Variants in GCFC2 observed in about 807,000 individuals in gnomAD.
The protein encoded by GCFC2 is GC-rich sequence DNA-binding factor 2.
GCFC2 carries 102 observed loss-of-function variants against 99.4 expected under a neutral mutation model. The observed-to-expected ratio is 1.03, with a 90% CI of 0.87 to 1.21. GCFC2 has a LOEUF of 1.21. Among genes scored for constraint, GCFC2 ranks in the 50% most tolerant of loss-of-function variants. GCFC2 has a pLI of 0.00. For missense variants in GCFC2, 973 were observed against 920.9 expected (o/e 1.06, Z -0.73); for synonymous variants, 338 against 316.8 (o/e 1.07, Z -0.71).
At chr2:75,710,536 G>GCCCCTTCCCGCCCTGTGCCGTCAC (rs1681104825) in intron 1 of GCFC2, 55 bp downstream of exon 1, 1 of 1,435,534 alleles carries the variant, frequency 7.0e-7, no homozygotes, top group Non-Finnish European at 9.1e-7. Context: ...AGACCCCGCG[G>GCCCCTTCCCGCCCTGTGCCGTCAC]CCCCTTCCCG....
chr2:75,707,519 T>G (rs1042966718), intron 1 of GCFC2, among the ~76,000 whole-genome samples: 1 of 151,802 alleles, frequency 6.6e-6, no homozygotes, highest in African/African-American at 2.4e-5. Flanking sequence ...AAGACCTACA[T>G]ACAGTTCAAA....
intron 11 of GCFC2, among the ~76,000 whole-genome samples, chr2:75,681,406 T>C (rs1369967030): frequency 1.3e-5 from 2 of 149,764 alleles, no homozygotes; most frequent in Non-Finnish European, 1.5e-5. Context: ...GCCCAGATAC[T>C]GTGTTTTTCC....
intron 2 of GCFC2, among the ~76,000 whole-genome samples, chr2:75,704,424 C>T (rs1287053294): frequency 1.3e-5 from 2 of 152,212 alleles, no homozygotes; most frequent in Non-Finnish European, 2.9e-5. Context: ...GTGTTCCTCA[C>T]AGGACAAGTT....
At position 75,708,463 on chromosome 2, in the gene GCFC2, C is replaced by A. The variant is rs183107986; in HGVS notation, c.266-1812G>T. 1.5e-4 allele frequency among the ~76,000 whole-genome samples: 22 copies of A among 150,464 alleles called. No individual in the cohort carries two copies. The East Asian group carries it at 4.1e-3, about 28-fold the overall frequency. ...AACAGAGTTTTAAGGTAAGAGCACC[C>A]CAAATTTAATCATATGGTTTAAGAA... On this transcript the variant is annotated intron_variant, in intron 1 of 16. Coordinates refer to ENST00000321027, the MANE Select transcript of GCFC2 (RefSeq NM_003203.5).
At chr2:75,690,572 A>G (rs535807029) in intron 8 of GCFC2, 66 bp downstream of exon 8, 45 of 781,286 alleles carry the variant, frequency 5.8e-5, no homozygotes, top group Non-Finnish European at 9.6e-5. Context: ...GTGGTTAATT[A>G]TATTTCAGTA....
chr2:75,690,047 T>TC lies in GCFC2; in HGVS notation c.1260dup (p.Asn421GlufsTer3). 1 of 1,607,926 alleles carries TC rather than the reference T, an allele frequency of 6.2e-7. No individual in the cohort carries two copies. The highest frequency in any genetic ancestry group is 8.5e-7 in the Non-Finnish European group (1 of 1,176,450). ...GATGTTCCTTCCTGATGGTTACAATTCCCAGAAAGCACCCTTGCTTGTCTT... is the reference window on the plus strand; with the variant it reads ...GATGTTCCTTCCTGATGGTTACAATTCCCCAGAAAGCACCCTTGCTTGTCTT... On this transcript the variant is annotated frameshift_variant, in exon 9 of 17. Coordinates refer to ENST00000321027, the MANE Select transcript of GCFC2 (RefSeq NM_003203.5). LOFTEE classifies it high-confidence loss of function.
intron 11 of GCFC2, among the ~76,000 whole-genome samples, chr2:75,686,279 T>G (rs1178835468): frequency 2.0e-5 from 3 of 152,168 alleles, no homozygotes; most frequent in Non-Finnish European, 4.4e-5. Context: ...TTTAAATTTA[T>G]AAATAGAGAT....
chr2:75,665,254 CA>C (rs1678784626), intron 16 of GCFC2, among the ~76,000 whole-genome samples: 1 of 152,146 alleles, frequency 6.6e-6, no homozygotes, highest in Admixed American at 6.5e-5. Context: ...CAGGCTCAAG[CA>C]ATCTTCCCAC....
chr2:75,679,055 AG>A (rs1679460976), intron 12 of GCFC2, among the ~76,000 whole-genome samples: 2 of 150,468 alleles, frequency 1.3e-5, no homozygotes, highest in South Asian at 4.1e-4. Flanking sequence ...GACCTTACAG[AG>A]TGCCTAGTAC....
intron 1 of GCFC2, among the ~76,000 whole-genome samples, chr2:75,708,657 C>T (rs1233204671): frequency 6.6e-6 from 1 of 151,654 alleles, no homozygotes; most frequent in Non-Finnish European, 1.5e-5. Flanking sequence ...ATTACAGGCA[C>T]CCACCACCAT....
At chr2:75,705,015 C>T (rs556445655) in intron 2 of GCFC2, among the ~76,000 whole-genome samples, 68 of 152,280 alleles carry the variant, frequency 4.5e-4, no homozygotes, top group African/African-American at 1.6e-3. Flanking sequence ...TAGCCACTAG[C>T]CCTATGTGAG....
At chr2:75,706,162 T>C (rs1039175054) in intron 2 of GCFC2, among the ~76,000 whole-genome samples, 18 of 152,352 alleles carry the variant, frequency 1.2e-4, no homozygotes, top group Admixed American at 9.1e-4. Flanking sequence ...TTTAGCTTCC[T>C]GCACATATTA....
rs113135302 is a variant in GCFC2 at position 75,668,967 on chromosome 2, G to A, written c.2103+1171C>T. Among the ~76,000 whole-genome samples, 379 of 152,176 alleles carry A rather than the reference G, an allele frequency of 2.5e-3. 2 individuals carry two copies. The highest frequency in any genetic ancestry group is 0.01 in the Middle Eastern group (3 of 294). ...AATGATGGAACTGTTGTTTTCCTGT[G>A]TTTATAACACTGGAAATCGTAAGTA... On this transcript the variant is annotated intron_variant, in intron 15 of 16. Transcript: ENST00000321027.
At position 75,670,219 on chromosome 2, in the gene GCFC2, T is replaced by G; in HGVS notation, c.2022A>C (p.Leu674=). ...LTDDTLQELG[L]GKLLNRYLII... is the part of the protein sequence containing the mutation. ...TAAGGTAACGATTTAGCAGCTTCCC[T>G]AGTCCTAGTTCTTGCAAGGTGTCAT... Residue 674 remains leucine, a synonymous_variant, in exon 15 of 17, where the codon CTA becomes CTC. Transcript: ENST00000321027. 6.2e-7 allele frequency: 1 copy of G among 1,605,560 alleles called. No individual in the cohort carries two copies. Among genetic ancestry groups the G allele is most frequent in the East Asian group, 2.2e-5 (1 of 44,810 alleles).
chr2:75,687,695 G>T, intron 11 of GCFC2, 132 bp downstream of exon 11: 1 of 738,658 alleles, frequency 1.4e-6, no homozygotes, highest in Non-Finnish European at 2.2e-6. Context: ...GACAGCTGTT[G>T]ATTTTTACTA....
chr2:75,709,537 T>C (rs1333510892), intron 1 of GCFC2, among the ~76,000 whole-genome samples: 2 of 151,968 alleles, frequency 1.3e-5, no homozygotes, highest in African/African-American at 2.4e-5. Context: ...AGTCGAGTAG[T>C]GGTTAGAAGG....
chr2:75,686,239 G>GA (rs1349806910), intron 11 of GCFC2, among the ~76,000 whole-genome samples: 1 of 152,068 alleles, frequency 6.6e-6, no homozygotes, highest in Non-Finnish European at 1.5e-5. Context: ...ATAAAATCTT[G>GA]AAAGTTTTTA....
chr2:75,677,081 T>A (rs1327737432), intron 12 of GCFC2, among the ~76,000 whole-genome samples: 2 of 152,220 alleles, frequency 1.3e-5, no homozygotes, highest in East Asian at 1.9e-4. Flanking sequence ...CTAAGAACAA[T>A]CATAATAACA....
At position 75,710,573 on chromosome 2, in the gene GCFC2, C is replaced by T; in HGVS notation, c.265+18G>A. On this transcript the variant is annotated intron_variant, in intron 1 of 16. Coordinates refer to ENST00000321027, the MANE Select transcript of GCFC2 (RefSeq NM_003203.5). ...CCTGTGCCGTCACCTCCCCGCTTCC[C>T]CGCGTCTCCCTGGACACCTGAGCCT... 6.7e-7 allele frequency: 1 copy of T among 1,486,058 alleles called. No homozygotes were observed. Among genetic ancestry groups the T allele is most frequent in the Non-Finnish European group, 8.9e-7 (1 of 1,125,154 alleles). 92.1% of individuals were successfully genotyped at this position (1,486,058 alleles called of 1,614,324 possible). A position where few individuals can be genotyped will look rare whatever the true frequency, so the allele number is the denominator to read the frequency against.
Sources: gnomAD v4.1 joint callset for allele counts (sites outside exome capture counted in the v4.1 genomes callset) on GRCh38, gnomAD v4.1.1 for gene constraint, MANE v1.5 for transcripts, NCBI Gene and HGNC (gene_info 2026-07-23, HGNC 2026-07-21) for gene names.